The following CREB5 variants were observed in gnomAD, a reference collection of about 807,000 sequenced individuals.
CREB5 encodes cyclic AMP-responsive element-binding protein 5.
A neutral mutation model predicts 57.1 loss-of-function variants in CREB5; 19 were observed. That is an observed-to-expected ratio of 0.33 (90% CI 0.23 to 0.49). CREB5 has a LOEUF of 0.49. CREB5 is among the 20% of genes least tolerant of loss of function. The pLI is 0.99. For synonymous variants in CREB5, 238 were observed against 238.3 expected (o/e 1.00, Z 0.01); for missense variants, 579 against 671.6 (o/e 0.86, Z 1.52).
rs183107734 is a variant in CREB5, at chr7:28,469,026, C to G, written c.4-19149C>G. Among the ~76,000 whole-genome samples the G allele has an allele frequency of 3.5e-4, 54 of 152,268 alleles. 1 individual carries two copies. In the East Asian group the frequency reaches 9.1e-3, roughly 26 times the overall value. On this transcript the variant is annotated intron_variant, in intron 1 of 10. Transcript: ENST00000357727. The stretch of plus-strand genomic sequence containing the variant: ...GGACTCCTCAACACCTAGCGTAGTT[C>G]CAGGCAAGATAGGCAGCTGACAACA...
chr7:28,375,362 G>A (rs55909788), intron 1 of CREB5, among the ~76,000 whole-genome samples: 25,169 of 152,114 alleles, frequency 0.17, 2,583 homozygotes, highest in Non-Finnish European at 0.24. Context: ...ACCAGAGGCC[G>A]GGAGTGGTAG....
intron 5 of CREB5, among the ~76,000 whole-genome samples, chr7:28,643,215 A>G (rs917788545): frequency 6.6e-6 from 1 of 152,204 alleles, no homozygotes; most frequent in Non-Finnish European, 1.5e-5. Flanking sequence ...AAGAATTCAT[A>G]AACAGAGTCA....
At chr7:28,754,434 T>C (rs1340998336) in intron 7 of CREB5, among the ~76,000 whole-genome samples, 2 of 152,174 alleles carry the variant, frequency 1.3e-5, no homozygotes, top group Non-Finnish European at 2.9e-5. Flanking sequence ...ACATCTACGT[T>C]GGCCACCTGT....
In CREB5 at chr7:28,516,254, G is replaced by GT. The variant is rs984669400; in HGVS notation, c.291+8520dup. On this transcript the variant is annotated intron_variant, in intron 4 of 10. Coordinates refer to ENST00000357727, the MANE Select transcript of CREB5 (RefSeq NM_182898.4). ...AAAGAAAACAATTGTTCTTGAAGCT[G>GT]TTTGCCTTTTCTTTGTGGTTAAAGG... Among the ~76,000 whole-genome samples, 15 of 152,122 alleles carry GT rather than the reference G, an allele frequency of 9.9e-5. No individual in the cohort carries two copies. In the East Asian group the frequency reaches 2.9e-3, roughly 29 times the overall value.
At chr7:28,780,629 C>T (rs568319298) in intron 7 of CREB5, among the ~76,000 whole-genome samples, 394 of 152,102 alleles carry the variant, frequency 2.6e-3, no homozygotes, top group Admixed American at 8.2e-3. Context: ...GGCTGAGGCA[C>T]GAGAATCACT....
At chr7:28,619,070 A>G (rs1205334767) in intron 5 of CREB5, among the ~76,000 whole-genome samples, 1 of 152,266 alleles carries the variant, frequency 6.6e-6, no homozygotes, top group Non-Finnish European at 1.5e-5. Context: ...CTCATTGGGC[A>G]CATGGCCAAG....
intron 4 of CREB5, among the ~76,000 whole-genome samples, chr7:28,563,966 A>G (rs575660760): frequency 2.0e-5 from 3 of 152,294 alleles, no homozygotes; most frequent in East Asian, 3.9e-4. Flanking sequence ...GCAAGATCCA[A>G]AAAATACCTG....
chr7:28,409,769 G>A (rs113290521), upstream of CREB5: 17 of 390,578 alleles, frequency 4.4e-5, 1 homozygote, highest in Middle Eastern at 1.8e-3. This position sits in a 1 kb window ranked among gnomAD's most constrained non-coding sequence, Gnocchi z 4.4. Flanking sequence ...CCGCCGCGCC[G>A]CGCGCCTGGA....
intron 4 of CREB5, among the ~76,000 whole-genome samples, chr7:28,560,881 T>TGCGTGC (rs1554344373): frequency 3.5e-4 from 16 of 46,238 alleles, no homozygotes; most frequent in African/African-American, 6.4e-4. Flanking sequence ...TGCGCGTGCG[T>TGCGTGC]GCGTGCGTGT....
intron 1 of CREB5, among the ~76,000 whole-genome samples, chr7:28,475,945 C>T (rs1364806440): frequency 6.6e-6 from 1 of 152,170 alleles, no homozygotes; most frequent in Non-Finnish European, 1.5e-5. Context: ...CAAACTTCAC[C>T]CCAGAGTCAA....
intron 4 of CREB5, among the ~76,000 whole-genome samples, chr7:28,528,459 C>T (rs962974412): frequency 9.2e-5 from 14 of 152,264 alleles, no homozygotes; most frequent in African/African-American, 3.4e-4. Flanking sequence ...AATCCCAACA[C>T]TTTGGGAGGC....
intron 5 of CREB5, among the ~76,000 whole-genome samples, chr7:28,657,717 G>GAAAAAAAAAAAAAAAAAAAAAAAAAAA: frequency 1.9e-5 from 1 of 54,028 alleles, no homozygotes; most frequent in Non-Finnish European, 3.5e-5. Flanking sequence ...ACTCTCTCTC[G>GAAAAAAAAAAAAAAAAAAAAAAAAAAA]AAAAAAAAAA....
rs746461231 is a variant in CREB5 at position 28,718,739 on chromosome 7, T to A, written c.465-14T>A. On this transcript the variant is annotated splice_polypyrimidine_tract_variant and intron_variant, in intron 5 of 10. Coordinates refer to ENST00000357727, the MANE Select transcript of CREB5 (RefSeq NM_182898.4). The stretch of plus-strand genomic sequence containing the variant: ...ACCAGGAATCATGTTTGTTTGTTTT[T>A]TTCTTTGTCCCAGGCCTGTCCCAGG... 5.0e-6 allele frequency: 8 copies of A among 1,613,154 alleles called. No homozygotes were observed. The highest frequency in any genetic ancestry group is 6.8e-6 in the Non-Finnish European group (8 of 1,179,786).
chr7:28,431,526 T>A (rs1788714282), intron 1 of CREB5, among the ~76,000 whole-genome samples: 1 of 152,158 alleles, frequency 6.6e-6, no homozygotes, highest in Admixed American at 6.5e-5. Flanking sequence ...GCTTGGACAT[T>A]TACACTCTTT....
intron 8 of CREB5, among the ~76,000 whole-genome samples, chr7:28,805,547 C>G (rs1808669408): frequency 6.6e-6 from 1 of 152,152 alleles, no homozygotes; most frequent in African/African-American, 2.4e-5. Flanking sequence ...TACCCGGCAG[C>G]TTTTTGAACT....
chr7:28,586,248 C>A (rs1158335043), intron 5 of CREB5, among the ~76,000 whole-genome samples: 2 of 152,146 alleles, frequency 1.3e-5, no homozygotes, highest in Admixed American at 6.5e-5. Flanking sequence ...TTCTCTAGAG[C>A]CCTGATGAAA....
At chr7:28,458,448 G>T (rs1268497634) in intron 1 of CREB5, among the ~76,000 whole-genome samples, 2 of 152,154 alleles carry the variant, frequency 1.3e-5, no homozygotes, top group African/African-American at 4.8e-5. Context: ...TGTAAAGTTG[G>T]ATTTAAGTTT....
chr7:28,392,908 C>G (rs60086796), intron 1 of CREB5, among the ~76,000 whole-genome samples: 12,703 of 151,802 alleles, frequency 0.084, 1,651 homozygotes, highest in African/African-American at 0.28. Context: ...AGCCATCTCT[C>G]TCAACCCACA....
At chr7:28,707,109 A>T (rs946946546) in intron 5 of CREB5, among the ~76,000 whole-genome samples, 2 of 151,936 alleles carry the variant, frequency 1.3e-5, no homozygotes, top group Non-Finnish European at 2.9e-5. Flanking sequence ...ATAACTGGGG[A>T]CTCACAGTAA....
Sources: gnomAD v4.1 joint callset for allele counts (sites outside exome capture counted in the v4.1 genomes callset) on GRCh38, gnomAD v4.1.1 for gene constraint, Gnocchi (gnomAD v3.1) non-coding constraint, MANE v1.5 for transcripts, NCBI Gene and HGNC (gene_info 2026-07-23, HGNC 2026-07-21) for gene names.